Variants in SPTA1 observed in about 807,000 individuals in gnomAD.
SPTA1 encodes spectrin alpha, erythrocytic 1, also known as spectrin alpha chain, erythrocytic 1.
In SPTA1, 177 loss-of-function variants were observed where a neutral mutation model predicts 324.7. That is an observed-to-expected ratio of 0.55 (90% CI 0.48 to 0.62). The LOEUF (loss-of-function observed/expected upper bound fraction) is 0.62, where lower values mean the gene tolerates loss of function less well. Ranked by LOEUF, SPTA1 falls within the 20% of genes least tolerant of loss-of-function variation. SPTA1 has a pLI of 0.00. For synonymous variants in SPTA1, 1,195 were observed against 1,041.3 expected, an observed-to-expected ratio of 1.15 and a Z score of -2.84; for missense variants, 3,162 against 2,883.6, an observed-to-expected ratio of 1.10 and a Z score of -2.21.
intron 42 of SPTA1, among the ~76,000 whole-genome samples, 191 bp downstream of exon 42, chr1:158,625,955 A>G (rs1336477314): frequency 6.6e-6 from 1 of 152,044 alleles, no homozygotes; most frequent in Non-Finnish European, 1.5e-5. Flanking sequence ...AAAAAAATTG[A>G]TGAAAACCCA....
chr1:158,663,236 G>A (rs543448847), intron 16 of SPTA1, among the ~76,000 whole-genome samples: 35 of 152,160 alleles, frequency 2.3e-4, no homozygotes, highest in Non-Finnish European at 3.7e-4. Flanking sequence ...GAGTTTGATT[G>A]TTTAAGAGTA....
chr1:158,619,458 ATGTG>A, intron 44 of SPTA1, 124 bp from the exon 45 acceptor site: 1 of 918,862 alleles, frequency 1.1e-6, no homozygotes, highest in Non-Finnish European at 1.8e-6. Context: ...TTCCACAGGT[ATGTG>A]CCTGTGTGCT....
At chr1:158,637,761 TAC>T in intron 36 of SPTA1, among the ~76,000 whole-genome samples, 1 of 152,348 alleles carries the variant, frequency 6.6e-6, no homozygotes, top group Middle Eastern at 3.4e-3. Context: ...TTCAATGAAC[TAC>T]AGAGCAAATG....
intron 21 of SPTA1, 136 bp downstream of exon 21, chr1:158,654,475 T>G (rs1652683827): frequency 8.2e-7 from 1 of 1,225,782 alleles, no homozygotes; most frequent in Admixed American, 2.6e-5. Flanking sequence ...AAATACTACC[T>G]AATCAGTTAT....
chr1:158,634,503 T>C lies in SPTA1; in HGVS notation c.5565+40A>G, dbSNP rs747522433. On this transcript the variant is annotated intron_variant, in intron 39 of 51. Transcript: ENST00000643759. ...CTGACTACCCAAGAAAATAACCAAA[T>C]TGAAGAGAAGAAAATTGATTCATTC... 31 of 1,612,152 alleles carry C rather than the reference T, an allele frequency of 1.9e-5. No homozygotes were observed. In the East Asian group the frequency reaches 6.2e-4, roughly 32 times the overall value.
intron 26 of SPTA1, 81 bp from the exon 27 acceptor site, chr1:158,647,801 T>A (rs1220676033): frequency 6.8e-7 from 1 of 1,471,316 alleles, no homozygotes; most frequent in African/African-American, 1.4e-5. Context: ...AGTCCCAGTA[T>A]TCAGCTCCTC....
chr1:158,633,464 T>A (rs375090681), intron 39 of SPTA1, among the ~76,000 whole-genome samples: 6 of 151,808 alleles, frequency 4.0e-5, no homozygotes, highest in African/African-American at 7.3e-5. Flanking sequence ...ATCGAAACCA[T>A]CCTGGCTAAC....
intron 16 of SPTA1, 81 bp downstream of exon 16, chr1:158,666,235 A>C (rs1251564355): frequency 4.3e-6 from 6 of 1,392,774 alleles, no homozygotes; most frequent in Non-Finnish European, 6.0e-6. Context: ...AATAAGTAAT[A>C]ATTACTTATT....
chr1:158,683,273 A>G, intron 3 of SPTA1, 98 bp downstream of exon 3: 3 of 1,570,582 alleles, frequency 1.9e-6, no homozygotes, highest in East Asian at 2.3e-5. Flanking sequence ...AGTCCTGGGT[A>G]TAAGCCAGCC....
chr1:158,658,995 G>A (rs1176599380), intron 18 of SPTA1, among the ~76,000 whole-genome samples: 1 of 152,012 alleles, frequency 6.6e-6, no homozygotes, highest in African/African-American at 2.4e-5. Flanking sequence ...AGGAATGTTA[G>A]ATGAAGTTCT....
chr1:158,623,792 A>G (rs1650082213), intron 42 of SPTA1, among the ~76,000 whole-genome samples: 1 of 152,200 alleles, frequency 6.6e-6, no homozygotes, highest in African/African-American at 2.4e-5. Context: ...CTAATACAGT[A>G]CATTGGTACA....
Position 158,619,311 on chromosome 1 carries a change from C to G in SPTA1, c.6441G>C (p.Lys2147Asn). The G allele has an allele frequency of 6.2e-7, 1 of 1,614,132 alleles. No homozygotes were observed. Among genetic ancestry groups the G allele is most frequent in the African/African-American group, 1.3e-5 (1 of 75,028 alleles). Residue 2147 changes from lysine (K) to asparagine (N), a missense_variant, in exon 45 of 52, where the codon AAG becomes AAC. Transcript: ENST00000643759. ...AGTTCTTGACCTGTCTTGCCTCTTCCTTTTGCAGCTCCTGCTCCCGTTCCT... is the reference window on the plus strand; with the variant it reads ...AGTTCTTGACCTGTCTTGCCTCTTCGTTTTGCAGCTCCTGCTCCCGTTCCT... ...IIEEREQELQ[K>N]EEARQVKNFE... is the part of the protein sequence containing the mutation.
chr1:158,666,731 C>T (rs2101901624), intron 15 of SPTA1, among the ~76,000 whole-genome samples: 1 of 152,104 alleles, frequency 6.6e-6, no homozygotes, highest in South Asian at 2.1e-4. Context: ...AGTTATATTG[C>T]CTGATAAGAT....
Position 158,662,893 on chromosome 1 carries a change from T to A in SPTA1, c.2273A>T (p.His758Leu). The change falls in exon 17 of 52, where the codon CAT becomes CTT. Residue 758 changes from histidine (H) to leucine (L), a missense_variant. By Grantham distance (99) the His-to-Leu change is moderately conservative. Coordinates refer to ENST00000643759, the MANE Select transcript of SPTA1 (RefSeq NM_003126.4). ...TGCCCTTATATCCTTAGAATCAGGA[T>A]GGCCTATTTCTTCAAAATATGCAGC... ...DLAAYFEEIG[H>L]PDSKDIRARQ... 6.2e-7 allele frequency: 1 copy of A among 1,614,110 alleles called. No individual in the cohort carries two copies. Among genetic ancestry groups the A allele is most frequent in the Non-Finnish European group, 8.5e-7 (1 of 1,179,970 alleles).
chr1:158,663,239 T>C (rs1214553779), intron 16 of SPTA1, among the ~76,000 whole-genome samples: 1 of 152,198 alleles, frequency 6.6e-6, no homozygotes, highest in Non-Finnish European at 1.5e-5. Context: ...TTTGATTGTT[T>C]AAGAGTATTG....
At chr1:158,622,379 AT>A (rs751382810) in intron 43 of SPTA1, among the ~76,000 whole-genome samples, 2 of 152,036 alleles carry the variant, frequency 1.3e-5, no homozygotes, top group Non-Finnish European at 2.9e-5. Context: ...ATAATTATGT[AT>A]TATTAATACA....
chr1:158,670,052 T>C (rs1361327562), intron 12 of SPTA1, among the ~76,000 whole-genome samples: 1 of 152,196 alleles, frequency 6.6e-6, no homozygotes, highest in Non-Finnish European at 1.5e-5. Context: ...TATGAGATGA[T>C]TGATTTATTC....
At chr1:158,615,461 T>C in intron 47 of SPTA1, 58 bp from the exon 48 acceptor site, 1 of 1,558,812 alleles carries the variant, frequency 6.4e-7, no homozygotes, top group Non-Finnish European at 8.8e-7. Context: ...GCTCAAAACC[T>C]AGAGGTGGAA....
At position 158,611,381 on chromosome 1, in the gene SPTA1, G is replaced by C. The variant is rs1156508831; in HGVS notation, c.7143C>G (p.Thr2381=). 4 of 1,613,562 alleles carry C rather than the reference G, an allele frequency of 2.5e-6. No individual in the cohort carries two copies. Among genetic ancestry groups the C allele is most frequent in the Non-Finnish European group, 3.4e-6 (4 of 1,179,652 alleles). ...ITKEDMKQAL[T]PEQVSFCATH... ...TGGCACAGAATGACACTTGCTCTGG[G>C]GTAAGGGCCTGAAAAGTATAAAAAG... The change falls in exon 52 of 52, where the codon ACC becomes ACG. Residue 2381 remains threonine (T), a synonymous_variant. Transcript: ENST00000643759.
Sources: allele counts gnomAD v4.1 joint callset (sites outside exome capture counted in the v4.1 genomes callset), GRCh38; gene constraint gnomAD v4.1.1; transcripts MANE v1.5; gene names NCBI Gene and HGNC (gene_info 2026-07-23, HGNC 2026-07-21).